The following RB1 variants were observed in gnomAD, a reference collection of about 807,000 sequenced individuals.
The protein encoded by RB1 is retinoblastoma-associated protein.
In RB1, 18 loss-of-function variants were observed where a neutral mutation model predicts 135.4. That is an observed-to-expected ratio of 0.13 (90% CI 0.09 to 0.20). The LOEUF is 0.20. Among genes scored for constraint, RB1 ranks in the 10% least tolerant of loss-of-function variants. The pLI is 1.00. For synonymous variants in RB1, 365 were observed against 373.2 expected (o/e 0.98, Z 0.25); for missense variants, 868 against 1,110.0 (o/e 0.78, Z 3.10).
Position 48,436,791 on chromosome 13 carries a change from T to C in RB1, c.1696-16202T>C, listed in dbSNP as rs114961188. Among the ~76,000 whole-genome samples, 441 of 152,354 alleles carry C rather than the reference T, an allele frequency of 2.9e-3. 2 individuals are homozygous for C. The highest frequency in any genetic ancestry group is 9.5e-3 in the African/African-American group (395 of 41,572). On this transcript the variant is annotated intron_variant, in intron 17 of 26. Coordinates refer to ENST00000267163, the MANE Select transcript of RB1 (RefSeq NM_000321.3). The stretch of plus-strand genomic sequence containing the variant: ...GCCAAAATTCTTCTATTTTCTATTC[T>C]AGTTTCCTCTTGCGAGGCAAAACAG...
chr13:48,418,893 C>A (rs1948960575), intron 17 of RB1, among the ~76,000 whole-genome samples: 1 of 152,074 alleles, frequency 6.6e-6, no homozygotes, highest in East Asian at 1.9e-4. Flanking sequence ...TAAAGCAAGT[C>A]CTTGGAGACC....
chr13:48,452,220 GGAATGTT>G (rs1949332226), intron 17 of RB1, among the ~76,000 whole-genome samples: 1 of 151,880 alleles, frequency 6.6e-6, no homozygotes. Context: ...AATGAGATGA[GGAATGTT>G]TCTAGTTTTT....
chr13:48,471,498 C>A, intron 23 of RB1, among the ~76,000 whole-genome samples: 1 of 117,330 alleles, frequency 8.5e-6, no homozygotes, highest in African/African-American at 3.1e-5. Context: ...CAGCATGGCA[C>A]ATGTATACAT....
intron 19 of RB1, among the ~76,000 whole-genome samples, chr13:48,459,207 A>C (rs903976897): frequency 2.0e-5 from 3 of 152,236 alleles, no homozygotes; most frequent in Non-Finnish European, 4.4e-5. Context: ...ATGTGCTAAC[A>C]CAAGGAATCA....
chr13:48,328,011 A>G (rs1223136582), intron 2 of RB1: 2 of 679,104 alleles, frequency 2.9e-6, no homozygotes, highest in Non-Finnish European at 5.3e-6. Context: ...GTCTTATACC[A>G]TTCTTAAAAA....
chr13:48,331,918 A>T (rs546867690), intron 2 of RB1, among the ~76,000 whole-genome samples: 1 of 152,222 alleles, frequency 6.6e-6, no homozygotes, highest in East Asian at 1.9e-4. Context: ...ATATCCTGAT[A>T]AACCCATTGT....
intron 21 of RB1, among the ~76,000 whole-genome samples, chr13:48,464,607 C>G (rs1271394314): frequency 6.6e-6 from 1 of 152,132 alleles, no homozygotes; most frequent in Non-Finnish European, 1.5e-5. Flanking sequence ...AGAATGTAGT[C>G]CAAATATTGG....
chr13:48,370,619 G>A (rs1223941248), intron 11 of RB1, among the ~76,000 whole-genome samples: 2 of 152,240 alleles, frequency 1.3e-5, no homozygotes, highest in Non-Finnish European at 2.9e-5. Context: ...CATAGGATGA[G>A]GTATGGGGGA....
chr13:48,393,459 A>T (rs1172995154), intron 17 of RB1, among the ~76,000 whole-genome samples: 2 of 152,072 alleles, frequency 1.3e-5, no homozygotes, highest in Non-Finnish European at 1.5e-5. Context: ...TCTCCCAGGG[A>T]TTGCTGTTCT....
chr13:48,382,792 T>C (rs996102438), intron 17 of RB1, among the ~76,000 whole-genome samples: 5 of 152,202 alleles, frequency 3.3e-5, no homozygotes, highest in African/African-American at 1.2e-4. Flanking sequence ...TGAATGGTAT[T>C]GCCTAGGTTT....
rs1040215371 is a variant in RB1 at position 48,480,110 on chromosome 13, G to C, written c.*39G>C. 6.6e-7 allele frequency: 1 copy of C among 1,512,506 alleles called. No homozygotes were observed. Among genetic ancestry groups the C allele is most frequent in the Non-Finnish European group, 9.2e-7 (1 of 1,089,864 alleles). 93.7% of individuals were successfully genotyped at this position (1,512,506 alleles called of 1,614,324 possible). On this transcript the variant is annotated 3_prime_UTR_variant, in exon 27 of 27. Transcript: ENST00000267163. Reference sequence around the variant, plus strand: ...TTGGTGGACACTGTGTACACCTCTGGATTCATTGTCTCTCACAGATGTGAC... The same window carrying C: ...TTGGTGGACACTGTGTACACCTCTGCATTCATTGTCTCTCACAGATGTGAC...
chr13:48,321,137 C>G (rs2138056280), intron 2 of RB1, among the ~76,000 whole-genome samples: 1 of 152,210 alleles, frequency 6.6e-6, no homozygotes, highest in South Asian at 2.1e-4. Context: ...CCGCGCTGAC[C>G]CTGCCTGCGC....
At chr13:48,315,409 G>C (rs554243757) in intron 2 of RB1, among the ~76,000 whole-genome samples, 1 of 152,264 alleles carries the variant, frequency 6.6e-6, no homozygotes, top group Non-Finnish European at 1.5e-5. Context: ...CTTATCAGCT[G>C]AAGGAACTTT....
chr13:48,421,671 G>GA (rs1049905133), intron 17 of RB1, among the ~76,000 whole-genome samples: 10 of 151,812 alleles, frequency 6.6e-5, no homozygotes, highest in African/African-American at 2.2e-4. Flanking sequence ...AAATTTACAG[G>GA]AAAAAAGCAA....
At chr13:48,396,503 G>C (rs529905909) in intron 17 of RB1, among the ~76,000 whole-genome samples, 1 of 152,076 alleles carries the variant, frequency 6.6e-6, no homozygotes, top group Non-Finnish European at 1.5e-5. Context: ...AACTCAAAAT[G>C]GATTAAAGAC....
intron 6 of RB1, among the ~76,000 whole-genome samples, chr13:48,351,164 T>G (rs189197243): frequency 6.6e-6 from 1 of 152,344 alleles, no homozygotes; most frequent in East Asian, 1.9e-4. Context: ...CAGACTGCTT[T>G]CTACAATGTT....
chr13:48,364,835 C>T (rs2138116069), intron 8 of RB1, 59 bp from the exon 9 acceptor site: 3 of 1,528,192 alleles, frequency 2.0e-6, no homozygotes, highest in Non-Finnish European at 1.8e-6. Context: ...GTTCAAGAGT[C>T]AAGAGATTAG....
chr13:48,456,898 C>T (rs1303229380), intron 19 of RB1, among the ~76,000 whole-genome samples: 1 of 152,232 alleles, frequency 6.6e-6, no homozygotes, highest in Non-Finnish European at 1.5e-5. Context: ...ACGCCAGAAA[C>T]CACAGGGCCC....
At chr13:48,333,313 G>C (rs1952353075) in intron 2 of RB1, 2 of 354,542 alleles carry the variant, frequency 5.6e-6, no homozygotes, top group Admixed American at 4.7e-5. Flanking sequence ...CTGAGTTGTA[G>C]GAATTAATCT....
Sources: allele counts gnomAD v4.1 joint callset (sites outside exome capture counted in the v4.1 genomes callset), GRCh38; gene constraint gnomAD v4.1.1; transcripts MANE v1.5; gene names NCBI Gene and HGNC (gene_info 2026-07-23, HGNC 2026-07-21).